CAMTA1: variants seen among roughly 807,000 people sequenced by gnomAD.
The protein encoded by CAMTA1 is calmodulin-binding transcription activator 1.
In CAMTA1, 27 loss-of-function variants were observed where a neutral mutation model predicts 170.9. That is an observed-to-expected ratio of 0.16 (90% CI 0.12 to 0.22). The LOEUF is 0.22. Ranked by LOEUF, CAMTA1 falls within the 10% of genes least tolerant of loss-of-function variation. The pLI is 1.00. For synonymous variants in CAMTA1, 833 were observed against 891.5 expected (o/e 0.93, Z 1.17); for missense variants, 1,619 against 2,217.2 (o/e 0.73, Z 5.42).
chr1:7,349,946 G>A (rs1057315295), intron 5 of CAMTA1, among the ~76,000 whole-genome samples: 2 of 152,168 alleles, frequency 1.3e-5, no homozygotes, highest in African/African-American at 4.8e-5. Context: ...GAACAGGAGG[G>A]AACTTCTGGC....
chr1:7,408,756 C>T (rs2149246605), intron 5 of CAMTA1, among the ~76,000 whole-genome samples: 1 of 152,332 alleles, frequency 6.6e-6, no homozygotes, highest in Admixed American at 6.5e-5. Flanking sequence ...GGGCAAGCAT[C>T]AGAGCCGAGA....
chr1:6,956,855 CTTTG>C (rs1417767488), intron 3 of CAMTA1, among the ~76,000 whole-genome samples: 1 of 152,234 alleles, frequency 6.6e-6, no homozygotes, highest in African/African-American at 2.4e-5. Context: ...TGAGGTGTGG[CTTTG>C]TTTGAGGCTC....
intron 4 of CAMTA1, among the ~76,000 whole-genome samples, chr1:7,168,046 T>A (rs1202992837): frequency 6.6e-6 from 1 of 152,180 alleles, no homozygotes; most frequent in Non-Finnish European, 1.5e-5. Context: ...GAGTTTTCTA[T>A]CTTTGAACAG....
chr1:6,889,530 G>A (rs1032921422), intron 3 of CAMTA1, among the ~76,000 whole-genome samples: 4 of 152,190 alleles, frequency 2.6e-5, no homozygotes, highest in Admixed American at 6.5e-5. Flanking sequence ...AAGCTAGGCC[G>A]CAGTGCGCAC....
At position 7,769,394 on chromosome 1, in the gene CAMTA1, A is replaced by C. The variant is rs2097042708; in HGVS notation, c.*2903A>C. On this transcript the variant is annotated 3_prime_UTR_variant, in exon 23 of 23. Transcript: ENST00000303635. The stretch of plus-strand genomic sequence containing the variant: ...ATTCGAAATCAGCTGTACTGTGTGA[A>C]CGAAATAAAGACAATAATACGAACC... 1 of 152,798 alleles carries C rather than the reference A, an allele frequency of 6.5e-6. No individual in the cohort carries two copies. The highest frequency in any genetic ancestry group is 1.5e-5 in the Non-Finnish European group (1 of 68,046). The allele number at this position is 152,798 out of a possible 1,614,324, so 9.5% of individuals were successfully genotyped here.
At chr1:6,841,908 C>A (rs577837655) in intron 3 of CAMTA1, among the ~76,000 whole-genome samples, 1 of 152,156 alleles carries the variant, frequency 6.6e-6, no homozygotes, top group African/African-American at 2.4e-5. Flanking sequence ...CTACAGGGCC[C>A]GCAAGCCCAC....
intron 3 of CAMTA1, among the ~76,000 whole-genome samples, chr1:6,903,055 T>C (rs1677482959): frequency 6.6e-6 from 1 of 152,070 alleles, no homozygotes; most frequent in Admixed American, 6.5e-5. Context: ...AGCCCAAATA[T>C]CCATCAACTG....
intron 5 of CAMTA1, among the ~76,000 whole-genome samples, chr1:7,306,563 T>A (rs1196381435): frequency 6.6e-6 from 1 of 152,048 alleles, no homozygotes; most frequent in East Asian, 1.9e-4. Flanking sequence ...AATTGGTTAG[T>A]CAAATTTCCC....
chr1:7,708,052 C>G (rs2096540352), intron 11 of CAMTA1, among the ~76,000 whole-genome samples: 1 of 152,098 alleles, frequency 6.6e-6, no homozygotes, highest in Non-Finnish European at 1.5e-5. Context: ...AAAATACGGC[C>G]AGGTGTGGTG....
rs544448502 is a variant in CAMTA1 at position 7,591,839 on chromosome 1, G to T, written c.511-48561G>T. Among the ~76,000 whole-genome samples the T allele has an allele frequency of 8.5e-5, 13 of 152,280 alleles. No individual in the cohort carries two copies. In the South Asian group the frequency reaches 2.3e-3, roughly 27 times the overall value. On this transcript the variant is annotated intron_variant, in intron 6 of 22. Transcript: ENST00000303635. ...TTTTCCCTGGCAGCTCCCTCTGCCCGCCACGCCTCCCTAGACTTGTGTGGC... is the reference window on the plus strand; with the variant it reads ...TTTTCCCTGGCAGCTCCCTCTGCCCTCCACGCCTCCCTAGACTTGTGTGGC...
chr1:7,247,626 A>G (rs1666020135), intron 4 of CAMTA1, among the ~76,000 whole-genome samples: 1 of 152,180 alleles, frequency 6.6e-6, no homozygotes, highest in African/African-American at 2.4e-5. Context: ...AGCCACACGC[A>G]GAGCCCACCT....
chr1:6,829,590 T>C (rs1411752292), intron 3 of CAMTA1, among the ~76,000 whole-genome samples: 1 of 152,236 alleles, frequency 6.6e-6, no homozygotes, highest in Non-Finnish European at 1.5e-5. Flanking sequence ...GTGAGTCCTT[T>C]ACATGAATCA....
chr1:7,131,526 T>TC (rs200086961), intron 4 of CAMTA1, among the ~76,000 whole-genome samples: 4,821 of 151,214 alleles, frequency 0.032, 217 homozygotes, highest in African/African-American at 0.1. Flanking sequence ...TCTTTTCTTT[T>TC]TTTTTTTTTT....
At position 7,635,604 on chromosome 1, in the gene CAMTA1, G is replaced by A. The variant is rs563035340; in HGVS notation, c.511-4796G>A. Among the ~76,000 whole-genome samples the A allele has an allele frequency of 2.9e-3, 379 of 128,528 alleles. 3 individuals are homozygous for A. The highest frequency in any genetic ancestry group is 0.013 in the African/African-American group (352 of 26,206). The allele number at this position is 128,528 out of a possible 152,430, so 84.3% of individuals were successfully genotyped here. ...AGCCTGGGGGACAGAGCAAGACTCC[G>A]TCTCAAAAAAAAAAAAAAAAAAATA... is the stretch of plus-strand genomic sequence containing the variant. On this transcript the variant is annotated intron_variant, in intron 6 of 22. Coordinates refer to ENST00000303635, the MANE Select transcript of CAMTA1 (RefSeq NM_015215.4). This position sits in a 1 kb window ranked among gnomAD's most constrained non-coding sequence, Gnocchi z 4.4.
At chr1:6,906,731 A>G (rs1284673277) in intron 3 of CAMTA1, among the ~76,000 whole-genome samples, 1 of 152,150 alleles carries the variant, frequency 6.6e-6, no homozygotes, top group Non-Finnish European at 1.5e-5. Flanking sequence ...TTTTCCTTTA[A>G]GTTTCCCTCC....
At chr1:6,856,624 G>GGA (rs1281338711) in intron 3 of CAMTA1, among the ~76,000 whole-genome samples, 1 of 152,024 alleles carries the variant, frequency 6.6e-6, no homozygotes, top group Non-Finnish European at 1.5e-5. Flanking sequence ...GCTTTCAAAG[G>GGA]GAGACAGCCA....
intron 5 of CAMTA1, among the ~76,000 whole-genome samples, chr1:7,282,813 A>G (rs1010041958): frequency 4.4e-4 from 67 of 152,150 alleles, no homozygotes; most frequent in African/African-American, 1.4e-3. Flanking sequence ...TTTGTTGCCT[A>G]TGGCCATCAG....
At chr1:7,411,080 A>G (rs555067505) in intron 5 of CAMTA1, among the ~76,000 whole-genome samples, 1 of 152,210 alleles carries the variant, frequency 6.6e-6, no homozygotes, top group East Asian at 1.9e-4. Context: ...ACTCCATAAT[A>G]TATTCGATTC....
At chr1:7,323,296 A>T (rs1678733592) in intron 5 of CAMTA1, among the ~76,000 whole-genome samples, 1 of 151,950 alleles carries the variant, frequency 6.6e-6, no homozygotes, top group South Asian at 2.1e-4. Context: ...GTTTCCAAAT[A>T]TATGGGGAGG....
Sources: allele counts gnomAD v4.1 joint callset (sites outside exome capture counted in the v4.1 genomes callset), GRCh38; gene constraint gnomAD v4.1.1; non-coding constraint Gnocchi (gnomAD v3.1); transcripts MANE v1.5; gene names NCBI Gene and HGNC (gene_info 2026-07-23, HGNC 2026-07-21).